The following UVSSA variants were observed in gnomAD, a reference collection of about 807,000 sequenced individuals.
The protein encoded by UVSSA is UV-stimulated scaffold protein A.
A neutral mutation model predicts 73.9 loss-of-function variants in UVSSA; 72 were observed. That is an observed-to-expected ratio of 0.97 (90% CI 0.81 to 1.19). The LOEUF (loss-of-function observed/expected upper bound fraction) is 1.19. UVSSA is among the 50% of genes most tolerant of loss of function. The pLI is 0.00. For synonymous variants in UVSSA, 454 were observed against 391.3 expected (o/e 1.16, Z -1.89); for missense variants, 1,150 against 965.0 (o/e 1.19, Z -2.54).
chr4:1,395,703 C>T, exon 14 of UVSSA: 1 of 1,614,242 alleles, frequency 6.2e-7, no homozygotes, highest in Non-Finnish European at 8.5e-7. Flanking sequence ...CGCCTGCTCA[C>T]ACAAAGCCCT....
At chr4:1,347,999 G>A (rs1396974239) in intron 1 of UVSSA, 91 bp from the exon 2 acceptor site, 5 of 1,136,058 alleles carry the variant, frequency 4.4e-6, no homozygotes, top group Non-Finnish European at 6.5e-6. Flanking sequence ...GGAGCTTTCG[G>A]TTTATAGTGG....
chr4:1,380,480 G>A (rs547017838), intron 11 of UVSSA, among the ~76,000 whole-genome samples: 3 of 152,336 alleles, frequency 2.0e-5, no homozygotes, highest in Non-Finnish European at 4.4e-5. Context: ...CTCTCCAGGG[G>A]CCAAGACACA....
intron 8 of UVSSA, among the ~76,000 whole-genome samples, chr4:1,371,795 G>T (rs777313661): frequency 2.0e-5 from 3 of 152,180 alleles, no homozygotes; most frequent in Non-Finnish European, 1.5e-5. Context: ...GGAACTATAA[G>T]ATGAGATTTG....
chr4:1,344,918 G>A (rs910102341), upstream of UVSSA, among the ~76,000 whole-genome samples: 3 of 152,186 alleles, frequency 2.0e-5, no homozygotes, highest in Admixed American at 6.5e-5. Context: ...AAGCTTCCCG[G>A]CAGAGGGATC....
upstream of UVSSA, among the ~76,000 whole-genome samples, chr4:1,342,086 C>T (rs1364532245): frequency 2.0e-5 from 3 of 152,212 alleles, no homozygotes; most frequent in African/African-American, 7.2e-5. Context: ...AGTCTTCTTG[C>T]AGACATTATT....
exon 14 of UVSSA, chr4:1,394,233 C>T (rs944955971): frequency 8.0e-5 from 49 of 613,306 alleles, no homozygotes; most frequent in Middle Eastern, 9.0e-4. Flanking sequence ...AGCTTCTCAG[C>T]GGCCACTGTG....
chr4:1,384,141 C>G (rs1270895680), intron 13 of UVSSA: 1 of 648,198 alleles, frequency 1.5e-6, no homozygotes, highest in Non-Finnish European at 2.6e-6. Context: ...CAGGTCTGCT[C>G]AGGAACGCCC....
At chr4:1,362,866 C>T (rs1411892323) in intron 7 of UVSSA, among the ~76,000 whole-genome samples, 2 of 152,204 alleles carry the variant, frequency 1.3e-5, no homozygotes, top group Non-Finnish European at 2.9e-5. Context: ...CGTTCCTGTC[C>T]TCCGAACAGG....
intron 5 of UVSSA, among the ~76,000 whole-genome samples, chr4:1,354,000 T>G (rs1715240767): frequency 6.6e-6 from 1 of 152,072 alleles, no homozygotes; most frequent in African/African-American, 2.4e-5. Context: ...GGGGTGTGAG[T>G]GGAGGCTGGG....
intron 8 of UVSSA, among the ~76,000 whole-genome samples, chr4:1,369,675 C>T (rs1472100288): frequency 2.0e-5 from 3 of 152,246 alleles, no homozygotes; most frequent in African/African-American, 7.2e-5. Flanking sequence ...TCAATAATGT[C>T]AGCGCTGGGC....
At chr4:1,380,831 G>C (rs1339292435) in intron 11 of UVSSA, 49 bp from the exon 12 acceptor site, 3 of 1,597,100 alleles carry the variant, frequency 1.9e-6, no homozygotes, top group Non-Finnish European at 2.6e-6. Flanking sequence ...AGGTGGTCAA[G>C]GCAAGCGGAC....
intron 10 of UVSSA, among the ~76,000 whole-genome samples, chr4:1,379,820 A>G (rs149258338): frequency 6.7e-4 from 10 of 14,942 alleles, no homozygotes; most frequent in African/African-American, 4.3e-3. Context: ...TTCACGTGGC[A>G]TCAGAATTCA....
chr4:1,363,821 T>G (rs1716966722), intron 7 of UVSSA, among the ~76,000 whole-genome samples: 1 of 152,272 alleles, frequency 6.6e-6, no homozygotes, highest in African/African-American at 2.4e-5. Flanking sequence ...TCCCTTTTGA[T>G]CAGTGTTAGA....
At position 1,353,051 on chromosome 4, in the gene UVSSA, C is replaced by T. The variant is rs200478324; in HGVS notation, c.572C>T (p.Ser191Phe). Residue 191 changes from serine (S) to phenylalanine (F), a missense_variant, in exon 5 of 14, where the codon TCC (serine) becomes TTC (phenylalanine). Ser to Phe is a radical substitution (Grantham distance 155). Transcript: ENST00000389851. ...GCAGAAATGTCTGGAGAAATTGAATCCTGCTTGACGGAGGTAGAGAGCTGC... is the reference window on the plus strand; with the variant it reads ...GCAGAAATGTCTGGAGAAATTGAATTCTGCTTGACGGAGGTAGAGAGCTGC... ...EMQEMSGEIE[S>F]CLTEVESCFR... 1.9e-6 allele frequency: 3 copies of T among 1,610,814 alleles called. No individual in the cohort carries two copies. The highest frequency in any genetic ancestry group is 2.5e-6 in the Non-Finnish European group (3 of 1,178,838).
At chr4:1,382,911 A>G (rs2109309121) in intron 12 of UVSSA, among the ~76,000 whole-genome samples, 1 of 152,278 alleles carries the variant, frequency 6.6e-6, no homozygotes, top group African/African-American at 2.4e-5. Flanking sequence ...TCTGTGAGCC[A>G]GGGTTGTCTG....
upstream of UVSSA, among the ~76,000 whole-genome samples, chr4:1,344,117 TTAATC>T (rs1713524236): frequency 6.6e-6 from 1 of 152,218 alleles, no homozygotes; most frequent in South Asian, 2.1e-4. Context: ...TACGCCTTGT[TTAATC>T]TGACTGCTTC....
intron 7 of UVSSA, among the ~76,000 whole-genome samples, chr4:1,359,760 T>G (rs1716354534): frequency 6.6e-6 from 1 of 152,116 alleles, no homozygotes; most frequent in Non-Finnish European, 1.5e-5. Context: ...CCTGCCTGCC[T>G]CCTCCACCGG....
chr4:1,377,780 G>A (rs766936459), intron 10 of UVSSA, among the ~76,000 whole-genome samples: 2 of 152,264 alleles, frequency 1.3e-5, no homozygotes, highest in African/African-American at 2.4e-5. Flanking sequence ...TGCCTGGCCC[G>A]TCAGCACCAC....
At chr4:1,374,122 C>T (rs1332673232) in intron 8 of UVSSA, among the ~76,000 whole-genome samples, 1 of 152,228 alleles carries the variant, frequency 6.6e-6, no homozygotes, top group African/African-American at 2.4e-5. Context: ...CTGTTTTCTT[C>T]CATGGCAGCT....
Sources: gnomAD v4.1 joint callset for allele counts (sites outside exome capture counted in the v4.1 genomes callset) on GRCh38, gnomAD v4.1.1 for gene constraint, MANE v1.5 for transcripts, NCBI Gene and HGNC (gene_info 2026-07-23, HGNC 2026-07-21) for gene names.